Variants in PHF20L1 observed in about 807,000 individuals in gnomAD.
The protein encoded by PHF20L1 is PHD finger protein 20 like 1, also known as PHD finger protein 20-like protein 1.
Under a neutral mutation model 125.5 loss-of-function variants are expected in PHF20L1, and 44 were observed. The observed-to-expected ratio is 0.35, with a 90% CI of 0.28 to 0.45. PHF20L1 has a LOEUF of 0.45. PHF20L1 is among the 20% of genes least tolerant of loss of function. The probability of loss-of-function intolerance (pLI) is 1.00; values close to 1 mark genes in which losing one functional copy is unlikely to be tolerated. For missense variants in PHF20L1, 1,012 were observed against 1,217.2 expected, an observed-to-expected ratio of 0.83 and a Z score of 2.51; for synonymous variants, 380 against 403.1, an observed-to-expected ratio of 0.94 and a Z score of 0.69.
rs749555781 is a variant in PHF20L1, at chr8:132,814,843, T to G, written c.1137T>G (p.Asp379Glu). ...CCCCAGAATTAATACAAGTCGAGGA[T>G]TTGACGCTTGTATCTCAGCTTTCTT... ...PLSPELIQVE[D>E]LTLVSQLSSS... The change falls in exon 10 of 21, where the codon GAT becomes GAG. Residue 379 changes from aspartate (D) to glutamate (E), a missense_variant. Coordinates refer to ENST00000395386, the MANE Select transcript of PHF20L1 (RefSeq NM_016018.5). 1 of 1,611,042 alleles carries G rather than the reference T, an allele frequency of 6.2e-7. No individual in the cohort carries two copies. Among genetic ancestry groups the G allele is most frequent in the South Asian group, 1.1e-5 (1 of 90,942 alleles).
intron 12 of PHF20L1, among the ~76,000 whole-genome samples, chr8:132,820,702 A>G (rs529351567): frequency 2.6e-5 from 4 of 152,076 alleles, no homozygotes; most frequent in African/African-American, 9.6e-5. Context: ...TGGCTCTACA[A>G]TGTTGATGTT....
At chr8:132,819,895 CTG>C (rs1480959923) in intron 12 of PHF20L1, among the ~76,000 whole-genome samples, 1 of 151,818 alleles carries the variant, frequency 6.6e-6, no homozygotes, top group Non-Finnish European at 1.5e-5. Context: ...TAGTTGCTAA[CTG>C]TGAAATTGTT....
chr8:132,845,151 A>G (rs1276804026), intron 20 of PHF20L1, among the ~76,000 whole-genome samples: 15 of 152,094 alleles, frequency 9.9e-5, no homozygotes, highest in Admixed American at 9.8e-4. Flanking sequence ...GCATCTTGAT[A>G]CTATTTCATA....
intron 2 of PHF20L1, among the ~76,000 whole-genome samples, chr8:132,792,736 A>C (rs1017192627): frequency 6.6e-6 from 1 of 152,190 alleles, no homozygotes; most frequent in Non-Finnish European, 1.5e-5. Context: ...CCAGAAGTTC[A>C]CAGGCCAGAG....
chr8:132,819,644 T>G (rs189289), intron 12 of PHF20L1, among the ~76,000 whole-genome samples: 1 of 151,954 alleles, frequency 6.6e-6, no homozygotes, highest in South Asian at 2.1e-4. Context: ...CAAGTCCTTT[T>G]ACATCTAGAG....
At chr8:132,796,550 T>C (rs1832410173) in intron 4 of PHF20L1, among the ~76,000 whole-genome samples, 1 of 152,142 alleles carries the variant, frequency 6.6e-6, no homozygotes, top group Non-Finnish European at 1.5e-5. Context: ...ATCCAATGTA[T>C]TGTCTTAATG....
chr8:132,811,566 G>A, intron 9 of PHF20L1: 1 of 983,650 alleles, frequency 1.0e-6, no homozygotes, highest in South Asian at 4.7e-5. Flanking sequence ...ATTGATCAAT[G>A]AGCCATACAT....
chr8:132,790,177 C>T (rs1831514918), intron 2 of PHF20L1, among the ~76,000 whole-genome samples: 2 of 152,086 alleles, frequency 1.3e-5, no homozygotes, highest in Non-Finnish European at 2.9e-5. Context: ...AATTCACAGT[C>T]AATTAGAATA....
rs1417670231 is a variant in PHF20L1 at position 132,795,070 on chromosome 8, G to A, written c.340+253G>A. 6.6e-5 allele frequency among the ~76,000 whole-genome samples: 10 copies of A among 152,056 alleles called. 1 individual carries two copies. The highest frequency in any genetic ancestry group is 6.6e-4 in the Admixed American group (10 of 15,260). Reference sequence around the variant, plus strand: ...AAAATTTTTCAACTTTCAATTCACAGGCTTATATCATATACATTTTATTTC... The same window carrying A: ...AAAATTTTTCAACTTTCAATTCACAAGCTTATATCATATACATTTTATTTC... On this transcript the variant is annotated intron_variant, in intron 4 of 20. Transcript: ENST00000395386.
intron 6 of PHF20L1, chr8:132,800,042 T>A (rs949813749): frequency 2.3e-5 from 3 of 132,954 alleles, no homozygotes; most frequent in Non-Finnish European, 4.9e-5. Flanking sequence ...AAAGTCTCAA[T>A]TTTTTTTTTT....
intron 2 of PHF20L1, among the ~76,000 whole-genome samples, chr8:132,787,683 T>G (rs898940235): frequency 1.3e-5 from 2 of 152,144 alleles, no homozygotes; most frequent in East Asian, 3.8e-4. Context: ...TATCCAAAAG[T>G]GCTGAATTTA....
intron 6 of PHF20L1, 155 bp downstream of exon 6, chr8:132,799,327 C>G: frequency 1.9e-6 from 1 of 537,250 alleles, no homozygotes; most frequent in Middle Eastern, 5.1e-4. Flanking sequence ...TTAAAAGGCG[C>G]TTACCTGACA....
chr8:132,782,683 G>C (rs1004974561), intron 2 of PHF20L1, among the ~76,000 whole-genome samples: 9 of 152,066 alleles, frequency 5.9e-5, no homozygotes, highest in Non-Finnish European at 8.8e-5. Context: ...TACCTCCCGG[G>C]GCTCAAGCCA....
chr8:132,783,020 G>A (rs1314117733), intron 2 of PHF20L1, among the ~76,000 whole-genome samples: 1 of 152,104 alleles, frequency 6.6e-6, no homozygotes, highest in Non-Finnish European at 1.5e-5. Context: ...GTTGACTACT[G>A]ATTTAACTCC....
chr8:132,804,255 T>C (rs1833422439), intron 7 of PHF20L1, among the ~76,000 whole-genome samples: 1 of 151,952 alleles, frequency 6.6e-6, no homozygotes, highest in Non-Finnish European at 1.5e-5. Context: ...TATTCTTGAA[T>C]AGAAATAGGT....
chr8:132,817,314 AC>A, intron 11 of PHF20L1, 24 bp from the exon 12 acceptor site: 1 of 1,577,788 alleles, frequency 6.3e-7, no homozygotes, highest in Non-Finnish European at 8.7e-7. Flanking sequence ...TGTTAATATT[AC>A]ATTACACTCT....
In PHF20L1 at chr8:132,794,818, G is replaced by A; in HGVS notation, c.340+1G>A. On this transcript the variant is annotated splice_donor_variant, in intron 4 of 20. Transcript: ENST00000395386. LOFTEE classifies it high-confidence loss of function. ...AAGATTGAAGCAATTAACAAAGAAG[G>A]TATGTGTTTGAAATGATCTGAGACT... 6.3e-7 allele frequency: 1 copy of A among 1,594,478 alleles called. No individual in the cohort carries two copies. Among genetic ancestry groups the A allele is most frequent in the South Asian group, 1.1e-5 (1 of 89,812 alleles).
At chr8:132,798,894 G>C (rs754390208) in intron 5 of PHF20L1, 34 bp downstream of exon 5, 13 of 1,408,976 alleles carry the variant, frequency 9.2e-6, no homozygotes, top group Non-Finnish European at 1.1e-5. Context: ...CTACCCAAAG[G>C]GTTATCTTCT....
chr8:132,814,807 A>G lies in PHF20L1; in HGVS notation c.1101A>G (p.Lys367=). The G allele has an allele frequency of 1.2e-6, 2 of 1,612,054 alleles. No individual in the cohort carries two copies. Among genetic ancestry groups the G allele is most frequent in the Non-Finnish European group, 1.7e-6 (2 of 1,178,428 alleles). Residue 367 remains lysine (K), a synonymous_variant, in exon 10 of 21, where the codon AAA becomes AAG. Coordinates refer to ENST00000395386, the MANE Select transcript of PHF20L1 (RefSeq NM_016018.5). ...CTTCTGGGTGTATAAAACCCCCTAAATCACCACTTTCCCCAGAATTAATAC... is the reference window on the plus strand; with the variant it reads ...CTTCTGGGTGTATAAAACCCCCTAAGTCACCACTTTCCCCAGAATTAATAC... ...GDSSGCIKPP[K]SPLSPELIQV...
Sources: gnomAD v4.1 joint callset for allele counts (sites outside exome capture counted in the v4.1 genomes callset) on GRCh38, gnomAD v4.1.1 for gene constraint, MANE v1.5 for transcripts, NCBI Gene and HGNC (gene_info 2026-07-23, HGNC 2026-07-21) for gene names.